The following AREL1 variants were observed in gnomAD, a reference collection of about 807,000 sequenced individuals.
The protein encoded by AREL1 is apoptosis-resistant E3 ubiquitin protein ligase 1.
AREL1 carries 62 observed loss-of-function variants against 99.0 expected under a neutral mutation model. That is an observed-to-expected ratio of 0.63 (90% confidence interval 0.51 to 0.77). The LOEUF (loss-of-function observed/expected upper bound fraction) is 0.77, where lower values mean the gene tolerates loss of function less well. Ranked by LOEUF, AREL1 falls within the 30% of genes least tolerant of loss-of-function variation. The pLI is 0.00. For missense variants in AREL1, 879 were observed against 1,027.6 expected (o/e 0.86, Z 1.98); for synonymous variants, 380 against 376.5 (o/e 1.01, Z -0.11).
intron 2 of AREL1, among the ~76,000 whole-genome samples, chr14:74,689,287 T>G (rs1169626945): frequency 6.6e-6 from 1 of 152,154 alleles, no homozygotes; most frequent in Non-Finnish European, 1.5e-5. Context: ...CCCCACGCTA[T>G]TCTCCTTGGC....
chr14:74,710,372 G>A (rs1263622864), intron 1 of AREL1, among the ~76,000 whole-genome samples: 1 of 152,092 alleles, frequency 6.6e-6, no homozygotes, highest in Non-Finnish European at 1.5e-5. Flanking sequence ...TTTTTAAGTT[G>A]TTGTTGTTCA....
rs1386678220 is a variant in AREL1 at position 74,663,509 on chromosome 14, T to C, written c.*211A>G. On this transcript the variant is annotated 3_prime_UTR_variant, in exon 20 of 20. Transcript: ENST00000356357. Reference sequence around the variant, plus strand: ...GACAGAATGAAGAGCTCAGCTTACATACCATGCCAAAGTGGCCTGTGGTAG... The same window carrying C: ...GACAGAATGAAGAGCTCAGCTTACACACCATGCCAAAGTGGCCTGTGGTAG... 5.1e-6 allele frequency: 3 copies of C among 591,890 alleles called. No homozygotes were observed. The highest frequency in any genetic ancestry group is 9.2e-6 in the Non-Finnish European group (3 of 327,480). The allele number at this position is 591,890 out of a possible 1,614,324, so 36.7% of individuals were successfully genotyped here.
rs558496915 is a variant in AREL1, at chr14:74,694,717, C to T, written c.-333-2389G>A. Among the ~76,000 whole-genome samples the T allele has an allele frequency of 3.9e-5, 6 of 152,012 alleles. No individual in the cohort carries two copies. In the South Asian group the frequency reaches 1.0e-3, roughly 26 times the overall value. Reference sequence around the variant, plus strand: ...GAAAATGGTATAAAGAGGCTGGGCACGGTGGCTCACGCCTGTAATCCCAGC... The same window carrying T: ...GAAAATGGTATAAAGAGGCTGGGCATGGTGGCTCACGCCTGTAATCCCAGC... On this transcript the variant is annotated intron_variant, in intron 1 of 19. Coordinates refer to ENST00000356357, the MANE Select transcript of AREL1 (RefSeq NM_001039479.2).
intron 1 of AREL1, among the ~76,000 whole-genome samples, chr14:74,708,206 A>T (rs1028692366): frequency 1.3e-5 from 2 of 152,208 alleles, no homozygotes; most frequent in African/African-American, 4.8e-5. Context: ...CTATCTTTGC[A>T]ACTTTTTTAT....
intron 1 of AREL1, among the ~76,000 whole-genome samples, chr14:74,712,399 T>A (rs17782707): frequency 0.23 from 34,302 of 152,010 alleles, 4,026 homozygotes; most frequent in South Asian, 0.32. Context: ...TTCCACAAAC[T>A]TTCAAGAAAT....
At chr14:74,706,103 T>C (rs1432813571) in intron 1 of AREL1, among the ~76,000 whole-genome samples, 2 of 152,202 alleles carry the variant, frequency 1.3e-5, no homozygotes, top group Non-Finnish European at 2.9e-5. Flanking sequence ...GTTTTCTATA[T>C]ACAAAACTGA....
intron 13 of AREL1, 121 bp downstream of exon 13, chr14:74,670,640 AG>A (rs2139869808): frequency 1.4e-6 from 1 of 733,708 alleles, no homozygotes; most frequent in South Asian, 1.9e-5. Flanking sequence ...TATTTTAAGC[AG>A]TAAAATTAAG....
Position 74,661,504 on chromosome 14 carries a change from A to C in AREL1, c.*2216T>G, listed in dbSNP as rs150738091. On this transcript the variant is annotated 3_prime_UTR_variant, in exon 20 of 20. Transcript: ENST00000356357. ...GACATAAATAAAAGAACTGGCCAAA[A>C]TAAGAAACACTAATAGAAAATTGCC... The C allele has an allele frequency of 4.2e-5, 12 of 287,824 alleles. No homozygotes were observed. The highest frequency in any genetic ancestry group is 7.0e-5 in the Non-Finnish European group (10 of 143,788). The allele number at this position is 287,824 out of a possible 1,614,324, so 17.8% of individuals were successfully genotyped here. A position where few individuals can be genotyped will look rare whatever the true frequency, so the allele number is the denominator to read the frequency against.
intron 4 of AREL1, among the ~76,000 whole-genome samples, 162 bp from the exon 5 acceptor site, chr14:74,683,695 A>G (rs1021336214): frequency 6.6e-6 from 1 of 152,170 alleles, no homozygotes; most frequent in Non-Finnish European, 1.5e-5. Context: ...CACAGAGAGA[A>G]ACAAATCCCC....
At chr14:74,668,361 G>A (rs1308421333) in intron 15 of AREL1, among the ~76,000 whole-genome samples, 2 of 152,152 alleles carry the variant, frequency 1.3e-5, no homozygotes, top group Admixed American at 1.3e-4. Flanking sequence ...TACAAGATCA[G>A]ATTTTAAGAC....
intron 18 of AREL1, 38 bp downstream of exon 18, chr14:74,664,798 T>C (rs1264912775): frequency 6.3e-7 from 1 of 1,586,074 alleles, no homozygotes; most frequent in South Asian, 1.1e-5. Context: ...CCTTATAACA[T>C]GGCACAAATC....
rs778006610 is a variant in AREL1 at position 74,673,096 on chromosome 14, G to A, written c.1281C>T (p.Arg427=). 1 of 1,614,170 alleles carries A rather than the reference G, an allele frequency of 6.2e-7. No homozygotes were observed. The highest frequency in any genetic ancestry group is 8.5e-7 in the Non-Finnish European group (1 of 1,180,026). Residue 427 remains arginine, a synonymous_variant, in exon 10 of 20, where the codon CGC becomes CGT. Coordinates refer to ENST00000356357, the MANE Select transcript of AREL1 (RefSeq NM_001039479.2). ...ERNILAATFI[R]SLHKNIGGSE... is the part of the protein sequence containing the mutation. ...CCTCACCTATGTTCTTATGCAGGGA[G>A]CGGATAAAAGTGGCTGCTAGAATGT...
chr14:74,697,747 G>A (rs1441230204), intron 1 of AREL1, among the ~76,000 whole-genome samples: 2 of 152,168 alleles, frequency 1.3e-5, no homozygotes, highest in Non-Finnish European at 2.9e-5. Flanking sequence ...AATGACTGCA[G>A]CCTTCCAGGG....
intron 1 of AREL1, among the ~76,000 whole-genome samples, chr14:74,702,235 C>A (rs2090099443): frequency 6.6e-6 from 1 of 152,216 alleles, no homozygotes; most frequent in Non-Finnish European, 1.5e-5. Flanking sequence ...CCAACATTGC[C>A]CTAGCAGAGG....
intron 2 of AREL1, among the ~76,000 whole-genome samples, chr14:74,689,264 A>G (rs914501151): frequency 6.6e-6 from 1 of 152,062 alleles, no homozygotes; most frequent in Admixed American, 6.5e-5. Context: ...TCCTGTATCT[A>G]CTGCTACCCC....
rs749285374 is a variant in AREL1 at position 74,664,020 on chromosome 14, G to A, written c.2248C>T (p.Arg750Trp). 1.8e-5 allele frequency: 29 copies of A among 1,614,012 alleles called. No individual in the cohort carries two copies. The highest frequency in any genetic ancestry group is 3.3e-5 in the Admixed American group (2 of 59,998). ...VSSLTQEELA[R>W]LLQFTTGSSQ... Reference sequence around the variant, plus strand: ...GAGCCTGTTGTGAACTGAAGTAGCCGAGCCAACTCCTCCTGGGTCAGACTG... The same window carrying A: ...GAGCCTGTTGTGAACTGAAGTAGCCAAGCCAACTCCTCCTGGGTCAGACTG... Residue 750 changes from arginine (R) to tryptophan (W), a missense_variant, in exon 19 of 20, where the codon CGG (arginine) becomes TGG (tryptophan). By Grantham distance (101) the Arg-to-Trp change is moderately radical. Coordinates refer to ENST00000356357, the MANE Select transcript of AREL1 (RefSeq NM_001039479.2).
At chr14:74,689,592 C>T (rs2359142) in intron 2 of AREL1, among the ~76,000 whole-genome samples, 45,334 of 102,918 alleles carry the variant, frequency 0.44, 11,723 homozygotes, top group Non-Finnish European at 0.55. Flanking sequence ...TAGCACTTTT[C>T]TTTTTTTTTT....
At position 74,662,388 on chromosome 14, in the gene AREL1, TG is replaced by T; in HGVS notation, c.*1331del. 1 of 392,620 alleles carries T rather than the reference TG, an allele frequency of 2.5e-6. No homozygotes were observed. The highest frequency in any genetic ancestry group is 4.4e-5 in the Admixed American group (1 of 22,556). 24.3% of individuals were successfully genotyped at this position (392,620 alleles called of 1,614,324 possible). ...TCAGAGTTGACTGCCCCATTGGGAA[TG>T]GTAGCTTGCAGCAAAGCCTTCTTAA... On this transcript the variant is annotated 3_prime_UTR_variant, in exon 20 of 20. Transcript: ENST00000356357.
intron 1 of AREL1, among the ~76,000 whole-genome samples, chr14:74,697,500 A>G (rs376469893): frequency 6.2e-4 from 94 of 152,342 alleles, no homozygotes; most frequent in African/African-American, 2.1e-3. Flanking sequence ...TTCCACTCTT[A>G]GTTTATACTC....
Sources: gnomAD v4.1 joint callset for allele counts (sites outside exome capture counted in the v4.1 genomes callset) on GRCh38, gnomAD v4.1.1 for gene constraint, MANE v1.5 for transcripts, NCBI Gene and HGNC (gene_info 2026-07-23, HGNC 2026-07-21) for gene names.